The following DNAH10 variants were observed in gnomAD, a reference collection of about 807,000 sequenced individuals.
DNAH10 encodes dynein axonemal heavy chain 10.
A neutral mutation model predicts 506.6 loss-of-function variants in DNAH10; 348 were observed. The observed-to-expected ratio is 0.69, with a 90% confidence interval of 0.63 to 0.75. The LOEUF is 0.75. Among genes scored for constraint, DNAH10 ranks in the 30% least tolerant of loss-of-function variants. The pLI is 0.00. For missense variants in DNAH10, 5,179 were observed against 5,787.1 expected (o/e 0.89, Z 3.41); for synonymous variants, 2,059 against 2,198.6 (o/e 0.94, Z 1.78).
At position 123,801,380 on chromosome 12, in the gene DNAH10, A is replaced by G. The variant is rs978920621; in HGVS notation, c.2562A>G (p.Glu854=). Residue 854 remains glutamate (E), a synonymous_variant, in exon 16 of 79, where the codon GAA becomes GAG. Transcript: ENST00000673944. ...TGCTTCTCAAAGATCATTCCCAGGAACTGCTCCGAGTGTTTAGGTCGGGAT... is the reference window on the plus strand; with the variant it reads ...TGCTTCTCAAAGATCATTCCCAGGAGCTGCTCCGAGTGTTTAGGTCGGGAT... ...ESVLLKDHSQ[E]LLRVFRSGYK... is the part of the protein sequence containing the mutation. 3 of 1,614,054 alleles carry G rather than the reference A, an allele frequency of 1.9e-6. No individual in the cohort carries two copies. The highest frequency in any genetic ancestry group is 3.3e-5 in the Admixed American group (2 of 60,002).
rs780872392 is a variant in DNAH10, at chr12:123,931,668, TATATTGGCCAAGTGG to T, written c.12950_12964del (p.Tyr4317_Ala4322delinsSer). On this transcript the variant is annotated inframe_deletion, in exon 75 of 79. Coordinates refer to ENST00000673944, the MANE Select transcript of DNAH10 (RefSeq NM_001372106.1). ...CAGCAGTGGTATCAGCCGCGATGAT[TATATTGGCCAAGTGG>T]CCAAAGAAATAGAAAACAAGATGCC... The T allele has an allele frequency of 6.2e-7, 1 of 1,614,022 alleles. No homozygotes were observed. Among genetic ancestry groups the T allele is most frequent in the Non-Finnish European group, 8.5e-7 (1 of 1,179,900 alleles).
At position 123,851,079 on chromosome 12, in the gene DNAH10, G is replaced by C. The variant is rs906496119; in HGVS notation, c.6291+3G>C. On this transcript the variant is annotated splice_donor_region_variant and intron_variant, in intron 35 of 78. Coordinates refer to ENST00000673944, the MANE Select transcript of DNAH10 (RefSeq NM_001372106.1). ...CTGAGGGCTTCCTGGAGGCCAAGGT[G>C]GGGGGCCTTGGCAGCGCCAGGTCGT... The C allele has an allele frequency of 6.3e-7, 1 of 1,593,540 alleles. No individual in the cohort carries two copies. The highest frequency in any genetic ancestry group is 8.6e-7 in the Non-Finnish European group (1 of 1,167,310).
At chr12:123,786,548 T>A (rs1412944597) in intron 9 of DNAH10, among the ~76,000 whole-genome samples, 1 of 151,960 alleles carries the variant, frequency 6.6e-6, no homozygotes, top group East Asian at 1.9e-4. Flanking sequence ...ATCACTGACT[T>A]CTTTCACTTA....
At chr12:123,875,703 G>A (rs1257743263) in intron 47 of DNAH10, among the ~76,000 whole-genome samples, 1 of 152,196 alleles carries the variant, frequency 6.6e-6, no homozygotes, top group East Asian at 1.9e-4. Context: ...GTATTTTTAT[G>A]GAGGAAGAGG....
intron 18 of DNAH10, among the ~76,000 whole-genome samples, chr12:123,805,767 TC>T (rs1958646146): frequency 6.6e-6 from 1 of 150,654 alleles, no homozygotes; most frequent in Non-Finnish European, 1.5e-5. Flanking sequence ...ATTTTTCTCT[TC>T]TTTTCTTTTT....
In DNAH10 at chr12:123,848,067, C is replaced by T. The variant is rs1951027099; in HGVS notation, c.5921C>T (p.Thr1974Ile). 6.2e-7 allele frequency: 1 copy of T among 1,613,722 alleles called. No homozygotes were observed. Among genetic ancestry groups the T allele is most frequent in the Non-Finnish European group, 8.5e-7 (1 of 1,179,784 alleles). ...GCCTTGGGCTTGCTCTGTGTTGTCA[C>T]CAACTGTGGCGAAGGCATGGATTAC... is the stretch of plus-strand genomic sequence containing the variant. ...AKALGLLCVV[T>I]NCGEGMDYRA... is the part of the protein sequence containing the mutation. Residue 1974 changes from threonine (T) to isoleucine (I), a missense_variant, in exon 33 of 79, where the codon ACC becomes ATC. This residue lies in a region of DNAH10 where 4,844 missense variants were observed against 5,430.5 expected (regional missense o/e 0.89). Coordinates refer to ENST00000673944, the MANE Select transcript of DNAH10 (RefSeq NM_001372106.1).
At chr12:123,802,935 C>T (rs1330946040) in intron 16 of DNAH10, among the ~76,000 whole-genome samples, 4 of 151,954 alleles carry the variant, frequency 2.6e-5, no homozygotes, top group Non-Finnish European at 5.9e-5. Context: ...GTTTTCTTTA[C>T]TGTTGAGTTT....
At chr12:123,770,123 C>T (rs928035259) in intron 2 of DNAH10, among the ~76,000 whole-genome samples, 5 of 151,814 alleles carry the variant, frequency 3.3e-5, no homozygotes, top group Admixed American at 2.6e-4. Flanking sequence ...TGGCATGTAC[C>T]TGTAATCCCA....
chr12:123,832,344 A>C (rs1370552178), intron 26 of DNAH10, among the ~76,000 whole-genome samples: 1 of 152,208 alleles, frequency 6.6e-6, no homozygotes, highest in African/African-American at 2.4e-5. Context: ...ATGTACACAC[A>C]TATACATATA....
At position 123,762,518 on chromosome 12, in the gene DNAH10, C is replaced by G. The variant is rs764881946; in HGVS notation, c.182C>G (p.Thr61Ser). ...EGPSALFIYR[T>S]MVPEEVEVEI... The stretch of plus-strand genomic sequence containing the variant: ...CCCTCGGCGCTCTTCATCTACCGCA[C>G]TATGGTGCCGGAGGAGGTGGAGGTG... The change falls in exon 1 of 79, where the codon ACT (threonine) becomes AGT (serine). Residue 61 changes from threonine (T) to serine (S), a missense_variant. Transcript: ENST00000673944. The surrounding 1 kb of genome is among the most constrained non-coding windows in gnomAD (Gnocchi z 5.0). 224 of 1,555,802 alleles carry G rather than the reference C, an allele frequency of 1.4e-4. No individual in the cohort carries two copies. The highest frequency in any genetic ancestry group is 1.9e-4 in the Non-Finnish European group (222 of 1,150,686).
Position 123,934,415 on chromosome 12 carries a change from C to T in DNAH10, c.13478-206C>T, listed in dbSNP as rs911108527. ...CATTTCTCTGGGCCATGGGGCAGGG[C>T]CACAGGGTCTCCTGTCTGGGCTGCT... On this transcript the variant is annotated intron_variant, in intron 77 of 78. Coordinates refer to ENST00000673944, the MANE Select transcript of DNAH10 (RefSeq NM_001372106.1). 25 of 699,618 alleles carry T rather than the reference C, an allele frequency of 3.6e-5. No homozygotes were observed. In the Middle Eastern group the frequency reaches 7.0e-4, roughly 20 times the overall value. The allele number at this position is 699,618 out of a possible 1,614,324, so 43.3% of individuals were successfully genotyped here.
At chr12:123,914,705 A>G in intron 61 of DNAH10, 147 bp from the exon 62 acceptor site, 1 of 1,398,138 alleles carries the variant, frequency 7.2e-7, no homozygotes, top group Non-Finnish European at 9.5e-7. Flanking sequence ...CTGCAAACCC[A>G]GCACGGAGCC....
chr12:123,808,881 C>G lies in DNAH10; in HGVS notation c.3072C>G (p.Ile1024Met). 2 of 1,614,222 alleles carry G rather than the reference C, an allele frequency of 1.2e-6. No individual in the cohort carries two copies. The highest frequency in any genetic ancestry group is 1.7e-6 in the Non-Finnish European group (2 of 1,180,042). The change falls in exon 19 of 79, where the codon ATC becomes ATG. Residue 1024 changes from isoleucine (I) to methionine (M), a missense_variant. By Grantham distance (10) the Ile-to-Met change is conservative (BLOSUM62 1). Coordinates refer to ENST00000673944, the MANE Select transcript of DNAH10 (RefSeq NM_001372106.1). ...CCATTCTGACGGCACCTGAGATCATCCTTCATCCCAACACAAATGAGATCG... is the reference window on the plus strand; with the variant it reads ...CCATTCTGACGGCACCTGAGATCATGCTTCATCCCAACACAAATGAGATCG... ...TETILTAPEI[I>M]LHPNTNEIDK...
rs750668334 is a variant in DNAH10 at position 123,841,378 on chromosome 12, G to T, written c.5193G>T (p.Leu1731=). Reference sequence around the variant, plus strand: ...ATGACGGCGATAGTGGAGAAAAACTGGTGTCCGCGATGATTTCAGCAGAAG... The same window carrying T: ...ATGACGGCGATAGTGGAGAAAAACTTGTGTCCGCGATGATTTCAGCAGAAG... ...RFNDGDSGEK[L]VSAMISAEGE... The change falls in exon 30 of 79, where the codon CTG becomes CTT. Residue 1731 remains leucine (L), a synonymous_variant. Transcript: ENST00000673944. 17 of 1,613,836 alleles carry T rather than the reference G, an allele frequency of 1.1e-5. No individual in the cohort carries two copies. The South Asian group carries it at 1.1e-4, about 10-fold the overall frequency.
At chr12:123,899,186 G>A (rs1052222177) in intron 56 of DNAH10, among the ~76,000 whole-genome samples, 10 of 152,208 alleles carry the variant, frequency 6.6e-5, no homozygotes, top group Middle Eastern at 3.4e-3. Flanking sequence ...GACTTTCTTG[G>A]TTCTTGAAGC....
At chr12:123,777,159 C>T (rs1384912195) in intron 5 of DNAH10, among the ~76,000 whole-genome samples, 4 of 152,180 alleles carry the variant, frequency 2.6e-5, no homozygotes, top group Admixed American at 6.5e-5. Context: ...TTACCCTCTA[C>T]GCTGCCTTCT....
chr12:123,869,181 C>T (rs1235052727), intron 43 of DNAH10, among the ~76,000 whole-genome samples: 3 of 152,298 alleles, frequency 2.0e-5, no homozygotes, highest in Admixed American at 6.5e-5. Context: ...CTCTGAGACT[C>T]GGGCCACATG....
intron 18 of DNAH10, among the ~76,000 whole-genome samples, chr12:123,806,345 A>G (rs554182801): frequency 4.6e-5 from 7 of 152,302 alleles, no homozygotes; most frequent in Admixed American, 2.6e-4. Context: ...TTTACAGAGG[A>G]GGATACAGAA....
At position 123,835,391 on chromosome 12, in the gene DNAH10, T is replaced by G; in HGVS notation, c.4780-15T>G. On this transcript the variant is annotated splice_polypyrimidine_tract_variant and intron_variant, in intron 27 of 78. Transcript: ENST00000673944. ...TGATAACCCCTGCTGACACTGACCT[T>G]TTGTACATTTACAGATTTGGATGTT... 6.2e-7 allele frequency: 1 copy of G among 1,612,046 alleles called. No homozygotes were observed.
Sources: gnomAD v4.1 joint callset for allele counts (sites outside exome capture counted in the v4.1 genomes callset) on GRCh38, gnomAD v4.1.1 for gene constraint, gnomAD v4.1.1 regional missense constraint, Gnocchi (gnomAD v3.1) non-coding constraint, MANE v1.5 for transcripts, NCBI Gene and HGNC (gene_info 2026-07-23, HGNC 2026-07-21) for gene names.